The following C2CD2L variants were observed in gnomAD, a reference collection of about 807,000 sequenced individuals.
C2CD2L encodes C2CD2 like.
A neutral mutation model predicts 69.9 loss-of-function variants in C2CD2L; 24 were observed. The observed-to-expected ratio is 0.34, with a 90% CI of 0.25 to 0.48. The LOEUF (loss-of-function observed/expected upper bound fraction) is 0.48. Among genes scored for constraint, C2CD2L ranks in the 20% least tolerant of loss-of-function variants. The pLI is 0.99. For missense variants in C2CD2L, 811 were observed against 941.5 expected, an observed-to-expected ratio of 0.86 and a Z score of 1.81; for synonymous variants, 367 against 391.0, an observed-to-expected ratio of 0.94 and a Z score of 0.72.
chr11:119,116,498 T>C lies in C2CD2L; in HGVS notation c.*242T>C, dbSNP rs889549319. ...GGCTGGGAGGGAGAGGAGGGCCCTG[T>C]CCGGCATGTGTGGGTATTCCCCAGA... is the stretch of plus-strand genomic sequence containing the variant. On this transcript the variant is annotated 3_prime_UTR_variant, in exon 14 of 14. Coordinates refer to ENST00000648610, the MANE Select transcript of C2CD2L (RefSeq NM_001290474.2). 4 of 587,812 alleles carry C rather than the reference T, an allele frequency of 6.8e-6. No homozygotes were observed. Among genetic ancestry groups the C allele is most frequent in the Non-Finnish European group, 1.2e-5 (4 of 329,408 alleles). 36.4% of individuals were successfully genotyped at this position (587,812 alleles called of 1,614,324 possible).
At position 119,107,881 on chromosome 11, in the gene C2CD2L, G is replaced by T. The variant is rs1300335823; in HGVS notation, c.140G>T (p.Gly47Val). Reference protein sequence around the residue: ...LWLARARGDRGPGPALAGEPA... With the variant: ...LWLARARGDRVPGPALAGEPA... ...CTGGCGCGGGCCCGCGGGGACCGGG[G>T]CCCGGGACCCGCCTTAGCCGGGGAA... Residue 47 changes from glycine to valine, a missense_variant, in exon 1 of 14, where the codon GGC becomes GTC. Coordinates refer to ENST00000648610, the MANE Select transcript of C2CD2L (RefSeq NM_001290474.2). The surrounding 1 kb of genome is among the most constrained non-coding windows in gnomAD (Gnocchi z 5.4). 1 of 1,518,756 alleles carries T rather than the reference G, an allele frequency of 6.6e-7. No homozygotes were observed. The highest frequency in any genetic ancestry group is 8.8e-7 in the Non-Finnish European group (1 of 1,141,762). The allele number at this position is 1,518,756 out of a possible 1,614,324, so 94.1% of individuals were successfully genotyped here.
Position 119,110,423 on chromosome 11 carries a change from T to C in C2CD2L, c.451-138T>C. On this transcript the variant is annotated intron_variant, in intron 2 of 13. Coordinates refer to ENST00000648610, the MANE Select transcript of C2CD2L (RefSeq NM_001290474.2). The surrounding 1 kb of genome is among the most constrained non-coding windows in gnomAD (Gnocchi z 5.7). ...GGAGTCTTTGGCATTTATCTGATTC[T>C]TTTAGGGATTTATGATCCTGAAAAC... The C allele has an allele frequency of 9.4e-7, 1 of 1,062,766 alleles. No individual in the cohort carries two copies. The highest frequency in any genetic ancestry group is 1.3e-6 in the Non-Finnish European group (1 of 755,830). The allele number at this position is 1,062,766 out of a possible 1,614,324, so 65.8% of individuals were successfully genotyped here. A position where few individuals can be genotyped will look rare whatever the true frequency, so the allele number is the denominator to read the frequency against.
chr11:119,113,070 A>G, intron 10 of C2CD2L, 196 bp downstream of exon 10: 1 of 600,612 alleles, frequency 1.7e-6, no homozygotes, highest in Non-Finnish European at 2.9e-6. Flanking sequence ...TTTCCCCAGC[A>G]ATTCCTCTCA....
Position 119,107,857 on chromosome 11 carries a change from T to TGGCGCGGGCCCGCGGGGACCGG in C2CD2L, c.120_141dup (p.Pro48AlafsTer86). 6.6e-7 allele frequency: 1 copy of TGGCGCGGGCCCGCGGGGACCGG among 1,519,166 alleles called. No homozygotes were observed. The highest frequency in any genetic ancestry group is 8.7e-7 in the Non-Finnish European group (1 of 1,144,020). 94.1% of individuals were successfully genotyped at this position (1,519,166 alleles called of 1,614,324 possible). A position where few individuals can be genotyped will look rare whatever the true frequency, so the allele number is the denominator to read the frequency against. On this transcript the variant is annotated frameshift_variant, in exon 1 of 14. Coordinates refer to ENST00000648610, the MANE Select transcript of C2CD2L (RefSeq NM_001290474.2). LOFTEE classifies it high-confidence loss of function. The surrounding 1 kb of genome is among the most constrained non-coding windows in gnomAD (Gnocchi z 5.4). The stretch of plus-strand genomic sequence containing the variant: ...CTGCAATATGCCCGGGGCTTGTGGC[T>TGGCGCGGGCCCGCGGGGACCGG]GGCGCGGGCCCGCGGGGACCGGGGC...
chr11:119,113,401 A>C (rs1946800511), intron 10 of C2CD2L: 1 of 630,210 alleles, frequency 1.6e-6, no homozygotes, highest in Non-Finnish European at 2.7e-6. Context: ...CCACACCTTC[A>C]GCAGGCCCCA....
At chr11:119,111,460 T>C in intron 6 of C2CD2L, 61 bp from the exon 7 acceptor site, 1 of 1,598,098 alleles carries the variant, frequency 6.3e-7, no homozygotes, top group African/African-American at 1.3e-5. Flanking sequence ...TACAGCCTCT[T>C]TATTCTGCAG....
chr11:119,106,193 T>G (rs1162536347), upstream of C2CD2L, among the ~76,000 whole-genome samples: 2 of 152,248 alleles, frequency 1.3e-5, no homozygotes, highest in Non-Finnish European at 2.9e-5. Context: ...TGCTGACCTG[T>G]CAGTTTCTGT....
intron 7 of C2CD2L, 84 bp downstream of exon 7, chr11:119,111,713 C>G (rs1408765342): frequency 1.1e-6 from 1 of 931,442 alleles, no homozygotes; most frequent in Admixed American, 2.5e-5. Flanking sequence ...GGAATCAGCT[C>G]TGTTTTCAGT....
Position 119,114,267 on chromosome 11 carries a change from C to G in C2CD2L, c.1811C>G (p.Thr604Ser), listed in dbSNP as rs767434596. The stretch of plus-strand genomic sequence containing the variant: ...AGTGTCCAGGAAGCAGACGAGACAA[C>G]CCGTTCGGATATTTCTGAGAGGCCA... ...PTSVQEADETTRSDISERPSV... is the reference protein window; with the variant it reads ...PTSVQEADETSRSDISERPSV... The change falls in exon 13 of 14, where the codon ACC becomes AGC. Residue 604 changes from threonine (T) to serine (S), a missense_variant. Coordinates refer to ENST00000648610, the MANE Select transcript of C2CD2L (RefSeq NM_001290474.2). The surrounding 1 kb of genome is among the most constrained non-coding windows in gnomAD (Gnocchi z 5.1). The G allele has an allele frequency of 6.2e-7, 1 of 1,614,166 alleles. No individual in the cohort carries two copies. The highest frequency in any genetic ancestry group is 8.5e-7 in the Non-Finnish European group (1 of 1,180,032).
chr11:119,103,239 C>T (rs1403101799), upstream of C2CD2L, among the ~76,000 whole-genome samples: 1 of 152,110 alleles, frequency 6.6e-6, no homozygotes, highest in Non-Finnish European at 1.5e-5. Context: ...GGCTCTTAGG[C>T]GGCAAATGAT....
At position 119,112,742 on chromosome 11, in the gene C2CD2L, ACCT is replaced by A; in HGVS notation, c.1261_1263del (p.Ser421del). 1 of 1,613,402 alleles carries A rather than the reference ACCT, an allele frequency of 6.2e-7. No homozygotes were observed. Among genetic ancestry groups the A allele is most frequent in the South Asian group, 1.1e-5 (1 of 91,056 alleles). On this transcript the variant is annotated inframe_deletion, in exon 10 of 14. Coordinates refer to ENST00000648610, the MANE Select transcript of C2CD2L (RefSeq NM_001290474.2). ...CTCTCCCCGGAACCTGGGTACTCCCACCTCCTCCACTCCACGCCCCAGCATCAC... is the reference window on the plus strand; with the variant it reads ...CTCTCCCCGGAACCTGGGTACTCCCACCTCCACTCCACGCCCCAGCATCAC...
chr11:119,105,354 C>T (rs1946561200), upstream of C2CD2L, among the ~76,000 whole-genome samples: 5 of 152,142 alleles, frequency 3.3e-5, no homozygotes, highest in South Asian at 1.0e-3. Flanking sequence ...AGAAGGAGGA[C>T]TAGGCTGGGC....
rs75258999 is a variant in C2CD2L at position 119,115,817 on chromosome 11, G to T, written c.1910-228G>T. On this transcript the variant is annotated intron_variant, in intron 13 of 13. Coordinates refer to ENST00000648610, the MANE Select transcript of C2CD2L (RefSeq NM_001290474.2). ...ACAAGTACCACGATTTTTGCCTCAG[G>T]AAGGATAAAGCACATGTTTGTTTCT... is the stretch of plus-strand genomic sequence containing the variant. The T allele has an allele frequency of 7.7e-5, 45 of 588,012 alleles. No individual in the cohort carries two copies. In the East Asian group the frequency reaches 1.2e-3, roughly 16 times the overall value. The allele number at this position is 588,012 out of a possible 1,614,324, so 36.4% of individuals were successfully genotyped here. A position where few individuals can be genotyped will look rare whatever the true frequency, so the allele number is the denominator to read the frequency against.
Position 119,112,738 on chromosome 11 carries a change from T to A in C2CD2L, c.1251T>A (p.Thr417=), listed in dbSNP as rs1946782921. The A allele has an allele frequency of 6.2e-7, 1 of 1,613,774 alleles. No homozygotes were observed. The highest frequency in any genetic ancestry group is 1.3e-5 in the African/African-American group (1 of 74,866). Residue 417 remains threonine (T), a synonymous_variant, in exon 10 of 14, where the codon ACT becomes ACA. Transcript: ENST00000648610. The part of the protein sequence containing the change: ...YEEGSPRNLG[T]PTSSTPRPSI... Reference sequence around the variant, plus strand: ...AGGGCTCTCCCCGGAACCTGGGTACTCCCACCTCCTCCACTCCACGCCCCA... The same window carrying A: ...AGGGCTCTCCCCGGAACCTGGGTACACCCACCTCCTCCACTCCACGCCCCA...
rs1299470662 is a variant in C2CD2L at position 119,107,346 on chromosome 11, T to G, written c.-396T>G. On this transcript the variant is annotated 5_prime_UTR_variant, in exon 1 of 14. Transcript: ENST00000648610. This position sits in a 1 kb window ranked among gnomAD's most constrained non-coding sequence, Gnocchi z 5.4. ...GCGGGTGGGGGCGGGGCGCCGGCGG[T>G]GTTGTCAGTGTCAGCTCTGCGCACG... 1.9e-5 allele frequency: 3 copies of G among 157,600 alleles called. No homozygotes were observed. The highest frequency in any genetic ancestry group is 1.8e-4 in the East Asian group (1 of 5,414). The allele number at this position is 157,600 out of a possible 1,614,324, so 9.8% of individuals were successfully genotyped here. A position where few individuals can be genotyped will look rare whatever the true frequency, so the allele number is the denominator to read the frequency against.
In C2CD2L at chr11:119,117,089, T is replaced by G. The variant is rs1336188038; in HGVS notation, c.*833T>G. On this transcript the variant is annotated 3_prime_UTR_variant, in exon 14 of 14. Transcript: ENST00000648610. ...CCATTGCTGTGTGATGGCTTGGAATTTAATTTATTAAAGTCAAATTGGAGT... is the reference window on the plus strand; with the variant it reads ...CCATTGCTGTGTGATGGCTTGGAATGTAATTTATTAAAGTCAAATTGGAGT... The G allele has an allele frequency of 6.5e-6, 1 of 152,686 alleles. No homozygotes were observed. The highest frequency in any genetic ancestry group is 1.9e-4 in the East Asian group (1 of 5,204). The allele number at this position is 152,686 out of a possible 1,614,324, so 9.5% of individuals were successfully genotyped here.
At chr11:119,103,888 A>G (rs1946548889), upstream of C2CD2L, among the ~76,000 whole-genome samples, 1 of 152,174 alleles carries the variant, frequency 6.6e-6, no homozygotes, top group East Asian at 1.9e-4. Context: ...GTGTGTATGC[A>G]CGTGTGCCCC....
rs1368486136 is a variant in C2CD2L at position 119,112,688 on chromosome 11, A to G, written c.1213-12A>G. 1.2e-6 allele frequency: 2 copies of G among 1,611,192 alleles called. No homozygotes were observed. Among genetic ancestry groups the G allele is most frequent in the Non-Finnish European group, 1.7e-6 (2 of 1,178,746 alleles). ...CGAGGCTCTGTCTCTTCTCTCTCCC[A>G]CCCCTGGGCAGCTTCACTATGAGGA... is the stretch of plus-strand genomic sequence containing the variant. On this transcript the variant is annotated splice_polypyrimidine_tract_variant and intron_variant, in intron 9 of 13. Transcript: ENST00000648610.
chr11:119,112,335 G>A lies in C2CD2L; in HGVS notation c.1027G>A (p.Gly343Ser). Residue 343 changes from glycine to serine, a missense_variant, in exon 8 of 14, where the codon GGC (glycine) becomes AGC (serine). Gly to Ser is a moderately conservative substitution (Grantham distance 56). Transcript: ENST00000648610. ...TCTCCTCTTGTCCCACAGGGATCTG[G>A]GCCCCCAGAGCCGGGAGCTGACCCT... ...EWTEDLALDL[G>S]PQSRELTLKV... 1 of 1,612,410 alleles carries A rather than the reference G, an allele frequency of 6.2e-7. No individual in the cohort carries two copies. The highest frequency in any genetic ancestry group is 2.2e-5 in the East Asian group (1 of 44,864).
Sources: allele counts gnomAD v4.1 joint callset (sites outside exome capture counted in the v4.1 genomes callset), GRCh38; gene constraint gnomAD v4.1.1; non-coding constraint Gnocchi (gnomAD v3.1); transcripts MANE v1.5; gene names NCBI Gene and HGNC (gene_info 2026-07-23, HGNC 2026-07-21).